USH1C: variants seen among roughly 807,000 people sequenced by gnomAD.
The protein encoded by USH1C is harmonin.
Under a neutral mutation model 119.3 loss-of-function variants are expected in USH1C, and 90 were observed. The ratio of observed to expected loss-of-function variants is 0.75; its 90% confidence interval spans 0.64 to 0.90. USH1C has a LOEUF of 0.90. USH1C is among the 40% of genes least tolerant of loss of function. The pLI is 0.00. For synonymous variants in USH1C, 465 were observed against 443.3 expected, an observed-to-expected ratio of 1.05 and a Z score of -0.62; for missense variants, 1,165 against 1,167.7, an observed-to-expected ratio of 1.00 and a Z score of 0.03.
Position 17,503,283 on chromosome 11 carries a change from C to T in USH1C, c.2185-1303G>A, listed in dbSNP as rs150249589. ...TTGACTTTGAGGGCCCTGCCTACTCCGGCTGTTTCTCCTGGAAGGCTGGGC... is the reference window on the plus strand; with the variant it reads ...TTGACTTTGAGGGCCCTGCCTACTCTGGCTGTTTCTCCTGGAAGGCTGGGC... On this transcript the variant is annotated intron_variant, in intron 20 of 26. Coordinates refer to ENST00000005226, the MANE Select transcript of USH1C (RefSeq NM_153676.4). Among the ~76,000 whole-genome samples the T allele has an allele frequency of 5.1e-3, 774 of 152,298 alleles. 5 individuals carry two copies. The highest frequency in any genetic ancestry group is 0.017 in the African/African-American group (719 of 41,562).
chr11:17,495,254 GT>G (rs1009491688), intron 26 of USH1C, among the ~76,000 whole-genome samples: 3 of 152,210 alleles, frequency 2.0e-5, no homozygotes, highest in Non-Finnish European at 4.4e-5. Context: ...CTCAGAGAAT[GT>G]TGCCCAGGGC....
Position 17,509,492 on chromosome 11 carries a change from A to G in USH1C, c.1877T>C (p.Leu626Pro), listed in dbSNP as rs1274298336. 1 of 1,530,172 alleles carries G rather than the reference A, an allele frequency of 6.5e-7. No homozygotes were observed. The highest frequency in any genetic ancestry group is 2.6e-5 in the East Asian group (1 of 38,118). The allele number at this position is 1,530,172 out of a possible 1,614,324, so 94.8% of individuals were successfully genotyped here. The change falls in exon 18 of 27, where the codon CTG becomes CCG. Residue 626 changes from leucine to proline, a missense_variant. Physicochemically the swap from Leu to Pro is moderately conservative, Grantham distance 98. Transcript: ENST00000005226. ...GGGATGGTTGCTCAGTGCTTCTTCC[A>G]GCGCCGAGGGCAGTGGGCGGGTGGG... ...LTPTRPLPSALEEALSNHPFR... is the reference protein window; with the variant it reads ...LTPTRPLPSAPEEALSNHPFR...
chr11:17,495,453 G>A, intron 26 of USH1C, 116 bp downstream of exon 26: 1 of 1,078,748 alleles, frequency 9.3e-7, no homozygotes. Context: ...TTCAGGGATG[G>A]CGCCTTGTGT....
At position 17,509,927 on chromosome 11, in the gene USH1C, T is replaced by C. The variant is rs182760775; in HGVS notation, c.1531-89A>G. 3.5e-4 allele frequency: 505 copies of C among 1,457,762 alleles called. 1 individual carries two copies. Among genetic ancestry groups the C allele is most frequent in the Admixed American group, 2.3e-3 (113 of 49,932 alleles). The allele number at this position is 1,457,762 out of a possible 1,614,324, so 90.3% of individuals were successfully genotyped here. A position where few individuals can be genotyped will look rare whatever the true frequency, so the allele number is the denominator to read the frequency against. Reference sequence around the variant, plus strand: ...GCGAGCACTATGCTCTTCTAATCTGTTTCTCTTGCTACTGGAGACCCACCA... The same window carrying C: ...GCGAGCACTATGCTCTTCTAATCTGCTTCTCTTGCTACTGGAGACCCACCA... On this transcript the variant is annotated intron_variant, in intron 17 of 26. Transcript: ENST00000005226.
At chr11:17,495,808 G>A in intron 25 of USH1C, 131 bp from the exon 26 acceptor site, 2 of 949,714 alleles carry the variant, frequency 2.1e-6, no homozygotes, top group Non-Finnish European at 3.3e-6. Context: ...AGAATTAGGA[G>A]CTGCGAGACC....
chr11:17,520,741 G>GC, intron 14 of USH1C, 129 bp downstream of exon 14: 2 of 1,127,376 alleles, frequency 1.8e-6, no homozygotes, highest in South Asian at 1.3e-5. Context: ...ACCCACAGCT[G>GC]CCCCTCCATG....
At chr11:17,517,783 G>C (rs1332472493) in intron 14 of USH1C, among the ~76,000 whole-genome samples, 1 of 152,238 alleles carries the variant, frequency 6.6e-6, no homozygotes, top group African/African-American at 2.4e-5. Context: ...GCTGGGAAGT[G>C]CAGTGAGGAG....
chr11:17,516,857 C>T (rs1013269885), intron 14 of USH1C, among the ~76,000 whole-genome samples: 5 of 152,314 alleles, frequency 3.3e-5, no homozygotes, highest in Middle Eastern at 3.4e-3. Flanking sequence ...CCAGCAGGAG[C>T]GGGCAGGAGA....
chr11:17,520,895 G>T lies in USH1C; in HGVS notation c.1185C>A (p.His395Gln). Residue 395 changes from histidine to glutamine, a missense_variant, in exon 14 of 27, where the codon CAC becomes CAA. His to Gln is a conservative substitution (Grantham distance 24, BLOSUM62 0). Coordinates refer to ENST00000005226, the MANE Select transcript of USH1C (RefSeq NM_153676.4). ...LLPKTITAEV[H>Q]PVPLRKPKSF... ...ACTTTGGCTTGCGAAGGGGTACTGG[G>T]TGTACCTCAGCAGTGATGGTTTTAG... The T allele has an allele frequency of 3.1e-6, 5 of 1,614,120 alleles. No individual in the cohort carries two copies. The South Asian group carries it at 4.4e-5, about 14-fold the overall frequency.
intron 21 of USH1C, among the ~76,000 whole-genome samples, 180 bp from the exon 22 acceptor site, chr11:17,501,715 G>T (rs1346183059): frequency 6.6e-6 from 1 of 152,092 alleles, no homozygotes; most frequent in East Asian, 1.9e-4. Flanking sequence ...GCCCCATGGG[G>T]ACAGTGGACA....
At chr11:17,498,086 G>A (rs1849303554) in intron 24 of USH1C, 76 bp downstream of exon 24, 2 of 1,377,562 alleles carry the variant, frequency 1.5e-6, no homozygotes, top group Non-Finnish European at 2.1e-6. Flanking sequence ...GCATCCTATT[G>A]TGAGACCTGG....
At chr11:17,512,282 T>C (rs1201363347) in intron 15 of USH1C, among the ~76,000 whole-genome samples, 1 of 152,116 alleles carries the variant, frequency 6.6e-6, no homozygotes, top group Non-Finnish European at 1.5e-5. Context: ...ACTGGCTTAT[T>C]AGTTCACTAA....
At position 17,493,929 on chromosome 11, in the gene USH1C, T is replaced by A; in HGVS notation, c.*403A>T. On this transcript the variant is annotated 3_prime_UTR_variant, in exon 27 of 27. Transcript: ENST00000005226. Reference sequence around the variant, plus strand: ...AAATAAATCTATTTTATTAATGAGCTCAGAGTAAGGTTTGGAGTGACAATC... The same window carrying A: ...AAATAAATCTATTTTATTAATGAGCACAGAGTAAGGTTTGGAGTGACAATC... 1 of 282,076 alleles carries A rather than the reference T, an allele frequency of 3.5e-6. No individual in the cohort carries two copies. Among genetic ancestry groups the A allele is most frequent in the South Asian group, 4.6e-5 (1 of 21,750 alleles). 17.5% of individuals were successfully genotyped at this position (282,076 alleles called of 1,614,324 possible). A position where few individuals can be genotyped will look rare whatever the true frequency, so the allele number is the denominator to read the frequency against.
intron 1 of USH1C, among the ~76,000 whole-genome samples, chr11:17,539,744 GCTTT>G (rs1021055600): frequency 6.6e-6 from 1 of 150,782 alleles, no homozygotes; most frequent in African/African-American, 2.4e-5. Context: ...TTTTTCTTTT[GCTTT>G]CTTTCTTTCT....
chr11:17,524,136 C>T (rs866276870), intron 9 of USH1C, among the ~76,000 whole-genome samples: 5 of 152,294 alleles, frequency 3.3e-5, no homozygotes, highest in Middle Eastern at 3.4e-3. Flanking sequence ...TGGTACTTAA[C>T]CCTCAGCATT....
intron 23 of USH1C, among the ~76,000 whole-genome samples, chr11:17,500,649 A>T (rs1849399688): frequency 1.3e-5 from 2 of 152,112 alleles, no homozygotes; most frequent in African/African-American, 4.8e-5. Context: ...TGCTCAGCTC[A>T]GGGTTCGCCC....
At position 17,526,799 on chromosome 11, in the gene USH1C, T is replaced by C; in HGVS notation, c.533A>G (p.Glu178Gly). Reference sequence around the variant, plus strand: ...ATCCACATACTGCCAAGTGAGGGGCTCATCAGGAGAGCTGATGGGAAGGGA... The same window carrying C: ...ATCCACATACTGCCAAGTGAGGGGCCCATCAGGAGAGCTGATGGGAAGGGA... ...GLIPVKSSPDEPLTWQYVDQF... is the reference protein window; with the variant it reads ...GLIPVKSSPDGPLTWQYVDQF... The change falls in exon 7 of 27, where the codon GAG (glutamate) becomes GGG (glycine). Residue 178 changes from glutamate (E) to glycine (G), a missense_variant. Physicochemically the swap from Glu to Gly is moderately conservative, Grantham distance 98 (BLOSUM62 -2). Transcript: ENST00000005226. 6.2e-7 allele frequency: 1 copy of C among 1,614,014 alleles called. No individual in the cohort carries two copies. The highest frequency in any genetic ancestry group is 8.5e-7 in the Non-Finnish European group (1 of 1,179,960).
intron 1 of USH1C, among the ~76,000 whole-genome samples, chr11:17,537,084 G>C (rs2133944368): frequency 6.6e-6 from 1 of 152,330 alleles, no homozygotes; most frequent in South Asian, 2.1e-4. Context: ...CACCAGGAAA[G>C]AAAGCTGAGA....
intron 15 of USH1C, 123 bp downstream of exon 15, chr11:17,516,118 G>A: frequency 9.3e-7 from 1 of 1,079,206 alleles, no homozygotes; most frequent in Non-Finnish European, 1.4e-6. Context: ...GATGGAGTTA[G>A]CCTTCCAAGT....
Sources: allele counts gnomAD v4.1 joint callset (sites outside exome capture counted in the v4.1 genomes callset), GRCh38; gene constraint gnomAD v4.1.1; transcripts MANE v1.5; gene names NCBI Gene and HGNC (gene_info 2026-07-23, HGNC 2026-07-21).